The following KCNIP4 variants were observed in gnomAD, a reference collection of about 807,000 sequenced individuals.
KCNIP4 encodes the protein Kv channel-interacting protein 4.
KCNIP4 carries 12 observed loss-of-function variants against 34.0 expected under a neutral mutation model. The ratio of observed to expected loss-of-function variants is 0.35; its 90% confidence interval spans 0.23 to 0.57. The LOEUF (loss-of-function observed/expected upper bound fraction) is 0.57. Ranked by LOEUF, KCNIP4 falls within the 20% of genes least tolerant of loss-of-function variation. The pLI, the probability that KCNIP4 is intolerant of heterozygous loss-of-function variation, is 0.83. For synonymous variants in KCNIP4, 124 were observed against 102.2 expected, an observed-to-expected ratio of 1.21 and a Z score of -1.29; for missense variants, 238 against 311.7, an observed-to-expected ratio of 0.76 and a Z score of 1.78.
intron 1 of KCNIP4, among the ~76,000 whole-genome samples, chr4:21,738,020 A>G (rs1447685723): frequency 6.6e-6 from 1 of 151,988 alleles, no homozygotes; most frequent in Non-Finnish European, 1.5e-5. Context: ...GGAACCTGGG[A>G]GGTGGAGCTT....
chr4:21,558,119 C>T (rs1344714202), intron 1 of KCNIP4, among the ~76,000 whole-genome samples: 1 of 152,168 alleles, frequency 6.6e-6, no homozygotes, highest in Non-Finnish European at 1.5e-5. Flanking sequence ...CCAGAGAGCA[C>T]ACTGCATCCA....
chr4:20,923,382 C>T lies in KCNIP4; in HGVS notation c.62-40673G>A, dbSNP rs1436466078. Among the ~76,000 whole-genome samples, 5 of 152,148 alleles carry T rather than the reference C, an allele frequency of 3.3e-5. No individual in the cohort carries two copies. In the East Asian group the frequency reaches 7.7e-4, roughly 23 times the overall value. Reference sequence around the variant, plus strand: ...CACACCATTCCTAACATTTTCTTGTCATTTTTTTCTGTCTTGAGAATGAGG... The same window carrying T: ...CACACCATTCCTAACATTTTCTTGTTATTTTTTTCTGTCTTGAGAATGAGG... On this transcript the variant is annotated intron_variant, in intron 1 of 8. Coordinates refer to ENST00000382152, the MANE Select transcript of KCNIP4 (RefSeq NM_025221.6).
rs555820484 is a variant in KCNIP4, at chr4:21,195,063, C to A, written c.62-312354G>T. 2.6e-5 allele frequency among the ~76,000 whole-genome samples: 4 copies of A among 152,278 alleles called. No individual in the cohort carries two copies. In the East Asian group the frequency reaches 5.8e-4, roughly 22 times the overall value. ...AACTTCTCTTCCTCCTTAATGAAGTCATTTCTCCTCTATATTCTCCTGGGA... is the reference window on the plus strand; with the variant it reads ...AACTTCTCTTCCTCCTTAATGAAGTAATTTCTCCTCTATATTCTCCTGGGA... On this transcript the variant is annotated intron_variant, in intron 1 of 8. Coordinates refer to ENST00000382152, the MANE Select transcript of KCNIP4 (RefSeq NM_025221.6).
rs193082575 is a variant in KCNIP4 at position 20,873,869 on chromosome 4, T to C, written c.163+8739A>G. ...TCTCTTTCATACTTCTTGCCCCTCCTGACTGGCTAAGCTTTATCTTTTGAA... is the reference window on the plus strand; with the variant it reads ...TCTCTTTCATACTTCTTGCCCCTCCCGACTGGCTAAGCTTTATCTTTTGAA... On this transcript the variant is annotated intron_variant, in intron 2 of 8. Transcript: ENST00000382152. Among the ~76,000 whole-genome samples the C allele has an allele frequency of 4.1e-3, 620 of 152,338 alleles. 1 individual carries two copies. Among genetic ancestry groups the C allele is most frequent in the Non-Finnish European group, 7.4e-3 (504 of 68,024 alleles).
chr4:21,072,751 T>G (rs575728528), intron 1 of KCNIP4, among the ~76,000 whole-genome samples: 1 of 152,168 alleles, frequency 6.6e-6, no homozygotes, highest in East Asian at 1.9e-4. Context: ...ATTGCCTAGG[T>G]TTTCTCCTAG....
chr4:20,819,566 A>G (rs1231041566), intron 3 of KCNIP4, among the ~76,000 whole-genome samples: 1 of 152,212 alleles, frequency 6.6e-6, no homozygotes, highest in African/African-American at 2.4e-5. Flanking sequence ...AACATAGCAT[A>G]TGCTCAGAGA....
At chr4:21,521,781 T>C (rs994437364) in intron 1 of KCNIP4, among the ~76,000 whole-genome samples, 3 of 152,148 alleles carry the variant, frequency 2.0e-5, no homozygotes, top group African/African-American at 4.8e-5. Flanking sequence ...TACCTTTCTC[T>C]TCATAGCAGC....
rs148670007 is a variant in KCNIP4 at position 21,203,942 on chromosome 4, G to A, written c.62-321233C>T. On this transcript the variant is annotated intron_variant, in intron 1 of 8. Transcript: ENST00000382152. ...GCTGCTTCTCTTTTTCCCCTTCTCC[G>A]TCCCAGAATGGCTCCAGGTACAGGA... is the stretch of plus-strand genomic sequence containing the variant. Among the ~76,000 whole-genome samples, 563 of 152,112 alleles carry A rather than the reference G, an allele frequency of 3.7e-3. 4 individuals are homozygous for A. Among genetic ancestry groups the A allele is most frequent in the South Asian group, 0.021 (101 of 4,818 alleles).
chr4:21,930,352 G>C (rs961996952), intron 1 of KCNIP4, among the ~76,000 whole-genome samples: 2 of 151,990 alleles, frequency 1.3e-5, no homozygotes, highest in African/African-American at 4.8e-5. Flanking sequence ...GGTCTACATT[G>C]TTCGTACCAT....
intron 3 of KCNIP4, among the ~76,000 whole-genome samples, chr4:20,784,545 G>A (rs1488704356): frequency 6.6e-6 from 1 of 152,090 alleles, no homozygotes; most frequent in East Asian, 1.9e-4. Context: ...CATTCTGGAA[G>A]TACTTTTAAC....
At chr4:20,991,710 T>A (rs946123195) in intron 1 of KCNIP4, among the ~76,000 whole-genome samples, 1 of 152,222 alleles carries the variant, frequency 6.6e-6, no homozygotes, top group African/African-American at 2.4e-5. Context: ...AGCTTCATTT[T>A]CTCAGCCACA....
At chr4:21,700,481 G>A (rs1712743444) in intron 1 of KCNIP4, among the ~76,000 whole-genome samples, 1 of 151,812 alleles carries the variant, frequency 6.6e-6, no homozygotes, top group Non-Finnish European at 1.5e-5. Flanking sequence ...ACATATTTTG[G>A]ATATTACCCC....
At chr4:21,136,281 G>A (rs183363136) in intron 1 of KCNIP4, among the ~76,000 whole-genome samples, 1 of 152,134 alleles carries the variant, frequency 6.6e-6, no homozygotes, top group Non-Finnish European at 1.5e-5. Context: ...CTAATGACTT[G>A]CCTGAAGAAC....
At chr4:21,692,405 C>A (rs1343726784) in intron 1 of KCNIP4, among the ~76,000 whole-genome samples, 1 of 152,134 alleles carries the variant, frequency 6.6e-6, no homozygotes, top group Non-Finnish European at 1.5e-5. Context: ...TCCCCACAAA[C>A]GTCCCTTTAA....
chr4:21,297,567 C>T (rs1763912541), intron 1 of KCNIP4, among the ~76,000 whole-genome samples: 1 of 152,170 alleles, frequency 6.6e-6, no homozygotes, highest in African/African-American at 2.4e-5. Context: ...GAAAAGAGTT[C>T]TGTCAATAAC....
At chr4:21,449,388 A>C (rs1728315346) in intron 1 of KCNIP4, among the ~76,000 whole-genome samples, 1 of 152,100 alleles carries the variant, frequency 6.6e-6, no homozygotes, top group Non-Finnish European at 1.5e-5. Flanking sequence ...TTGCCTCAAG[A>C]TGGATCATAT....
At chr4:21,318,961 A>G (rs1186328462) in intron 1 of KCNIP4, among the ~76,000 whole-genome samples, 2 of 152,208 alleles carry the variant, frequency 1.3e-5, no homozygotes, top group Non-Finnish European at 2.9e-5. Flanking sequence ...TGAACTCCAG[A>G]ATTTTACTAA....
At chr4:21,098,320 G>T (rs1037206389) in intron 1 of KCNIP4, among the ~76,000 whole-genome samples, 1 of 152,194 alleles carries the variant, frequency 6.6e-6, no homozygotes, top group Non-Finnish European at 1.5e-5. Flanking sequence ...TTTCAAGGTA[G>T]ACCAAATGGT....
At chr4:21,124,130 T>G (rs936302016) in intron 1 of KCNIP4, among the ~76,000 whole-genome samples, 1 of 152,182 alleles carries the variant, frequency 6.6e-6, no homozygotes, top group Non-Finnish European at 1.5e-5. Context: ...ATATATATTT[T>G]TTGTTCTGGT....
Sources: allele counts gnomAD v4.1 joint callset (sites outside exome capture counted in the v4.1 genomes callset), GRCh38; gene constraint gnomAD v4.1.1; transcripts MANE v1.5; gene names NCBI Gene and HGNC (gene_info 2026-07-23, HGNC 2026-07-21).